Variants in SNTG1 observed in about 807,000 individuals in gnomAD.
The protein encoded by SNTG1 is gamma-1-syntrophin.
Under a neutral mutation model 74.7 loss-of-function variants are expected in SNTG1, and 39 were observed. The ratio of observed to expected loss-of-function variants is 0.52; its 90% CI spans 0.40 to 0.68. The LOEUF is 0.68. Among genes scored for constraint, SNTG1 ranks in the 30% least tolerant of loss-of-function variants. SNTG1 has a pLI of 0.00. For synonymous variants in SNTG1, 254 were observed against 217.1 expected, an observed-to-expected ratio of 1.17 and a Z score of -1.49; for missense variants, 685 against 609.5, an observed-to-expected ratio of 1.12 and a Z score of -1.30.
chr8:50,638,346 G>T (rs1253985936), intron 13 of SNTG1, among the ~76,000 whole-genome samples: 1 of 152,070 alleles, frequency 6.6e-6, no homozygotes, highest in Non-Finnish European at 1.5e-5. Context: ...AATAGGAAAT[G>T]AATTCAGACT....
chr8:50,390,664 A>G (rs1221518637), intron 2 of SNTG1, among the ~76,000 whole-genome samples: 1 of 152,172 alleles, frequency 6.6e-6, no homozygotes, highest in Non-Finnish European at 1.5e-5. Context: ...CTTGGGCAGA[A>G]TGGCCATTTT....
intron 13 of SNTG1, among the ~76,000 whole-genome samples, chr8:50,623,629 A>G (rs2094937488): frequency 6.6e-6 from 1 of 152,070 alleles, no homozygotes; most frequent in African/African-American, 2.4e-5. Context: ...CAATTTTAAC[A>G]TAAAATATAT....
intron 9 of SNTG1, among the ~76,000 whole-genome samples, chr8:50,508,661 T>G (rs2094033179): frequency 6.6e-6 from 1 of 152,228 alleles, no homozygotes; most frequent in Non-Finnish European, 1.5e-5. Context: ...TGCATTTCTC[T>G]GATGGCCAGT....
intron 1 of SNTG1, among the ~76,000 whole-genome samples, chr8:49,991,758 A>T (rs561958350): frequency 6.6e-6 from 1 of 152,288 alleles, no homozygotes; most frequent in Admixed American, 6.5e-5. Context: ...GAATAGGCAA[A>T]TCCATAGAGA....
At chr8:50,786,362 GA>G (rs1483367425) in intron 18 of SNTG1, among the ~76,000 whole-genome samples, 1 of 151,868 alleles carries the variant, frequency 6.6e-6, no homozygotes, top group African/African-American at 2.4e-5. Flanking sequence ...AGAAATTCAA[GA>G]AGATTTAAAT....
At chr8:49,952,955 A>G (rs1809852900) in intron 1 of SNTG1, among the ~76,000 whole-genome samples, 2 of 152,202 alleles carry the variant, frequency 1.3e-5, no homozygotes, top group South Asian at 4.1e-4. Flanking sequence ...ATTGTTCAGT[A>G]TCATGTACGT....
chr8:50,351,428 C>T (rs1587267899), intron 2 of SNTG1, among the ~76,000 whole-genome samples: 2 of 152,304 alleles, frequency 1.3e-5, no homozygotes, highest in Non-Finnish European at 2.9e-5. Flanking sequence ...TTGGAGCTTT[C>T]TAGATAATTT....
At chr8:50,117,375 C>T (rs187513294) in intron 1 of SNTG1, among the ~76,000 whole-genome samples, 84 of 152,190 alleles carry the variant, frequency 5.5e-4, no homozygotes, top group Non-Finnish European at 7.1e-4. Context: ...GCGTGTGATT[C>T]TTCACATTCT....
chr8:50,355,533 G>T (rs75069774), intron 2 of SNTG1, among the ~76,000 whole-genome samples: 9,026 of 152,158 alleles, frequency 0.059, 300 homozygotes, highest in Non-Finnish European at 0.071. Flanking sequence ...TACATGAAAG[G>T]CGAAATTGAT....
intron 2 of SNTG1, among the ~76,000 whole-genome samples, chr8:50,204,930 T>C (rs2084148013): frequency 6.6e-6 from 1 of 152,204 alleles, no homozygotes. Context: ...TAGTATTCCA[T>C]GGTATATATG....
intron 1 of SNTG1, among the ~76,000 whole-genome samples, chr8:50,105,667 C>G (rs1563603217): frequency 6.6e-6 from 1 of 152,016 alleles, no homozygotes; most frequent in Non-Finnish European, 1.5e-5. Context: ...TATTCATGAG[C>G]ATGGGATATT....
At chr8:50,139,683 C>T (rs1437279743) in intron 1 of SNTG1, among the ~76,000 whole-genome samples, 2 of 152,186 alleles carry the variant, frequency 1.3e-5, no homozygotes, top group East Asian at 3.8e-4. Context: ...AGAAAGAGCC[C>T]TCTACATTTA....
At chr8:50,663,504 G>T (rs1275985824) in intron 15 of SNTG1, among the ~76,000 whole-genome samples, 1 of 152,028 alleles carries the variant, frequency 6.6e-6, no homozygotes, top group Non-Finnish European at 1.5e-5. Context: ...AATAGATAGT[G>T]CCCTCACAGT....
chr8:50,792,969 A>T lies in SNTG1; in HGVS notation c.*140A>T, dbSNP rs2095695643. The T allele has an allele frequency of 1.2e-6, 1 of 844,432 alleles. No homozygotes were observed. The highest frequency in any genetic ancestry group is 2.4e-5 in the South Asian group (1 of 40,824). 52.3% of individuals were successfully genotyped at this position (844,432 alleles called of 1,614,324 possible). On this transcript the variant is annotated 3_prime_UTR_variant, in exon 19 of 19. Transcript: ENST00000642720. ...AAAATTTCGGCAGAAAAAGAAGGTC[A>T]TGTGGAACCTCAAAAACACTTCTAT...
intron 17 of SNTG1, among the ~76,000 whole-genome samples, chr8:50,731,488 G>C (rs572068423): frequency 6.6e-6 from 1 of 152,000 alleles, no homozygotes; most frequent in Non-Finnish European, 1.5e-5. Context: ...TGATTGAAAA[G>C]CTTTTGACGC....
At chr8:50,234,158 C>T (rs1181154229) in intron 2 of SNTG1, among the ~76,000 whole-genome samples, 2 of 151,892 alleles carry the variant, frequency 1.3e-5, no homozygotes, top group East Asian at 3.9e-4. Context: ...TCAAATGTTT[C>T]TAAATAGTTG....
At position 50,402,251 on chromosome 8, in the gene SNTG1, G is replaced by T. The variant is rs374161336; in HGVS notation, c.69G>T (p.Glu23Asp). The T allele has an allele frequency of 2.5e-6, 4 of 1,612,156 alleles. No homozygotes were observed. The highest frequency in any genetic ancestry group is 3.4e-6 in the Non-Finnish European group (4 of 1,179,584). ...GICLLQDGNQ[E>D]PFKVRLHLAK... ...GTTTGCTGCAGGATGGTAACCAGGAGCCTTTCAAAGTGCGGCTGCACCTAG... is the reference window on the plus strand; with the variant it reads ...GTTTGCTGCAGGATGGTAACCAGGATCCTTTCAAAGTGCGGCTGCACCTAG... Residue 23 changes from glutamate (E) to aspartate (D), a missense_variant, in exon 4 of 19, where the codon GAG becomes GAT. Transcript: ENST00000642720.
At chr8:50,583,569 A>G (rs2094626161) in intron 12 of SNTG1, among the ~76,000 whole-genome samples, 1 of 152,042 alleles carries the variant, frequency 6.6e-6, no homozygotes, top group South Asian at 2.1e-4. Flanking sequence ...TTCACAATAC[A>G]TTTTACTACC....
At chr8:50,498,666 C>T (rs2093924934) in intron 8 of SNTG1, among the ~76,000 whole-genome samples, 1 of 151,740 alleles carries the variant, frequency 6.6e-6, no homozygotes. Context: ...TAAATCCTGC[C>T]TTAATGCCAC....
Sources: allele counts gnomAD v4.1 joint callset (sites outside exome capture counted in the v4.1 genomes callset), GRCh38; gene constraint gnomAD v4.1.1; transcripts MANE v1.5; gene names NCBI Gene and HGNC (gene_info 2026-07-23, HGNC 2026-07-21).